The following TM7SF3 variants were observed in gnomAD, a reference collection of about 807,000 sequenced individuals.
TM7SF3 encodes seven span transmembrane protein.
A neutral mutation model predicts 65.5 loss-of-function variants in TM7SF3; 60 were observed. That is an observed-to-expected ratio of 0.92 (90% confidence interval 0.74 to 1.14). The LOEUF is 1.14. Ranked by LOEUF, TM7SF3 falls within the 50% of genes most tolerant of loss-of-function variation. The probability of loss-of-function intolerance (pLI) is 0.00; values close to 1 mark genes in which losing one functional copy is unlikely to be tolerated. For synonymous variants in TM7SF3, 264 were observed against 259.6 expected, an observed-to-expected ratio of 1.02 and a Z score of -0.16; for missense variants, 623 against 684.8, an observed-to-expected ratio of 0.91 and a Z score of 1.01.
intron 6 of TM7SF3, among the ~76,000 whole-genome samples, chr12:26,986,176 G>A (rs373310719): frequency 6.6e-6 from 1 of 151,946 alleles, no homozygotes; most frequent in South Asian, 2.1e-4. Flanking sequence ...GCCCATCTGC[G>A]CACATCTTTG....
At chr12:27,003,892 A>G (rs1200770825) in intron 1 of TM7SF3, among the ~76,000 whole-genome samples, 2 of 152,168 alleles carry the variant, frequency 1.3e-5, no homozygotes, top group Non-Finnish European at 2.9e-5. Context: ...AATCCCCTTA[A>G]GCCTCAATTT....
intron 5 of TM7SF3, among the ~76,000 whole-genome samples, chr12:26,993,078 GT>G (rs896093091): frequency 2.0e-5 from 3 of 151,662 alleles, no homozygotes; most frequent in Non-Finnish European, 4.4e-5. Flanking sequence ...GAACTTTTTG[GT>G]TTTTTTAGTG....
rs775940906 is a variant in TM7SF3, at chr12:26,972,369, A to T, written c.*1596T>A. 8.5e-5 allele frequency: 13 copies of T among 152,212 alleles called. No homozygotes were observed. Among genetic ancestry groups the T allele is most frequent in the Non-Finnish European group, 1.6e-4 (11 of 68,042 alleles). The allele number at this position is 152,212 out of a possible 1,614,324, so 9.4% of individuals were successfully genotyped here. A position where few individuals can be genotyped will look rare whatever the true frequency, so the allele number is the denominator to read the frequency against. ...TGCTAACAGCTAATTGAGCAGAAAG[A>T]ACTATGAAGTACAAATTTTTCTAAG... On this transcript the variant is annotated 3_prime_UTR_variant, in exon 12 of 12. Coordinates refer to ENST00000343028, the MANE Select transcript of TM7SF3 (RefSeq NM_016551.3).
Position 26,971,774 on chromosome 12 carries a change from T to C in TM7SF3, c.*2191A>G, listed in dbSNP as rs1402057874. ...TAACTTTGTCCCTACAGTAAATAAT[T>C]TTTTAAAACTTTTCATCAAGTTTCA... On this transcript the variant is annotated 3_prime_UTR_variant, in exon 12 of 12. Transcript: ENST00000343028. The C allele has an allele frequency of 6.6e-6, 1 of 152,196 alleles. No individual in the cohort carries two copies. Among genetic ancestry groups the C allele is most frequent in the East Asian group, 1.9e-4 (1 of 5,192 alleles). 9.4% of individuals were successfully genotyped at this position (152,196 alleles called of 1,614,324 possible).
chr12:26,993,959 G>A (rs950101453), intron 5 of TM7SF3, among the ~76,000 whole-genome samples: 1 of 152,002 alleles, frequency 6.6e-6, no homozygotes, highest in Non-Finnish European at 1.5e-5. Flanking sequence ...CTTGATTCTT[G>A]AACTGCCCCA....
At chr12:26,982,660 C>T (rs1160055263) in intron 7 of TM7SF3, 113 bp downstream of exon 7, 2 of 678,722 alleles carry the variant, frequency 2.9e-6, no homozygotes, top group Non-Finnish European at 4.8e-6. Flanking sequence ...ACCCCAGCTA[C>T]AAATCTATGA....
intron 1 of TM7SF3, among the ~76,000 whole-genome samples, chr12:27,012,494 TTA>T (rs1941282930): frequency 1.3e-5 from 2 of 152,168 alleles, no homozygotes; most frequent in African/African-American, 2.4e-5. Flanking sequence ...TCAGAAAATA[TTA>T]TGTTTCAGAA....
At chr12:27,013,707 T>C (rs1448098525) in intron 1 of TM7SF3, among the ~76,000 whole-genome samples, 2 of 152,118 alleles carry the variant, frequency 1.3e-5, no homozygotes, top group Admixed American at 6.5e-5. Context: ...AGCCGCTAGT[T>C]CCACCCCAAG....
In TM7SF3 at chr12:26,974,118, C is replaced by T; in HGVS notation, c.1560G>A (p.Trp520Ter). 1 of 1,614,182 alleles carries T rather than the reference C, an allele frequency of 6.2e-7. No individual in the cohort carries two copies. Among genetic ancestry groups the T allele is most frequent in the East Asian group, 2.2e-5 (1 of 44,884 alleles). ...PFFPPHPYKL[W>*]KQERERRVTN... The stretch of plus-strand genomic sequence containing the variant: ...TCACTCGGCGCTCTCTCTCTTGCTT[C>T]CATAACTTGTATGGGTGGGGAGGGA... The change falls in exon 12 of 12, where the codon TGG becomes TGA. Residue 520 changes from tryptophan to a stop codon, truncating the protein, a stop_gained. Coordinates refer to ENST00000343028, the MANE Select transcript of TM7SF3 (RefSeq NM_016551.3). LOFTEE classifies it high-confidence loss of function.
Position 26,998,246 on chromosome 12 carries a change from T to C in TM7SF3, c.397+1280A>G, listed in dbSNP as rs116181066. On this transcript the variant is annotated intron_variant, in intron 3 of 11. Coordinates refer to ENST00000343028, the MANE Select transcript of TM7SF3 (RefSeq NM_016551.3). Reference sequence around the variant, plus strand: ...TCCACCAGAAACAGTGCCTGACACATAGTAGGCACTAGTAAAGTATTTGCT... The same window carrying C: ...TCCACCAGAAACAGTGCCTGACACACAGTAGGCACTAGTAAAGTATTTGCT... Among the ~76,000 whole-genome samples, 485 of 152,306 alleles carry C rather than the reference T, an allele frequency of 3.2e-3. 1 individual carries two copies. The highest frequency in any genetic ancestry group is 0.011 in the African/African-American group (455 of 41,566).
intron 6 of TM7SF3, among the ~76,000 whole-genome samples, chr12:26,987,629 G>A (rs1353635564): frequency 6.6e-6 from 1 of 152,162 alleles, no homozygotes; most frequent in East Asian, 1.9e-4. Context: ...AGAGCAGGAT[G>A]GCAACAAATA....
At chr12:27,006,979 TGAGA>T (rs1173591056) in intron 1 of TM7SF3, among the ~76,000 whole-genome samples, 1 of 152,184 alleles carries the variant, frequency 6.6e-6, no homozygotes, top group South Asian at 2.1e-4. Context: ...TAAATCTATT[TGAGA>T]GAGTTTTTGC....
At chr12:26,975,018 G>GA (rs1565863726) in intron 11 of TM7SF3, among the ~76,000 whole-genome samples, 1 of 152,096 alleles carries the variant, frequency 6.6e-6, no homozygotes, top group African/African-American at 2.4e-5. Flanking sequence ...AAAATTTATA[G>GA]AAAATCTGTA....
chr12:26,984,797 A>C (rs766888700), intron 6 of TM7SF3, among the ~76,000 whole-genome samples: 1 of 152,214 alleles, frequency 6.6e-6, no homozygotes, highest in South Asian at 2.1e-4. Context: ...TCTACGATAA[A>C]ACAAGACATA....
chr12:26,982,392 G>A (rs1939854779), intron 7 of TM7SF3, among the ~76,000 whole-genome samples: 2 of 152,070 alleles, frequency 1.3e-5, no homozygotes, highest in African/African-American at 4.8e-5. Context: ...GCCTAGACTT[G>A]TTTCAAACTC....
intron 6 of TM7SF3, 102 bp downstream of exon 6, chr12:26,990,348 G>T: frequency 1.2e-6 from 1 of 819,720 alleles, no homozygotes; most frequent in Non-Finnish European, 2.0e-6. Flanking sequence ...GTGGAATAAC[G>T]TAGGGGCTCA....
rs766925382 is a variant in TM7SF3, at chr12:26,975,574, T to C, written c.1372A>G (p.Ile458Val). The change falls in exon 11 of 12, where the codon ATC (isoleucine) becomes GTC (valine). Residue 458 changes from isoleucine (I) to valine (V), a missense_variant. Physicochemically the swap from Ile to Val is conservative, Grantham distance 29 (BLOSUM62 3). Transcript: ENST00000343028. Reference sequence around the variant, plus strand: ...GCTCTCTTGAGTACGTTCAAAGTGATGTAGGAAAGGCTTGTGGACCAGTAA... The same window carrying C: ...GCTCTCTTGAGTACGTTCAAAGTGACGTAGGAAAGGCTTGTGGACCAGTAA... ...DSYWSTSLSY[I>V]TLNVLKRALN... is the part of the protein sequence containing the mutation. 3.1e-6 allele frequency: 5 copies of C among 1,614,192 alleles called. No homozygotes were observed. Among genetic ancestry groups the C allele is most frequent in the African/African-American group, 2.7e-5 (2 of 75,066 alleles).
rs760059693 is a variant in TM7SF3, at chr12:26,999,657, G to A, written c.266C>T (p.Ser89Leu). The A allele has an allele frequency of 2.2e-5, 35 of 1,613,916 alleles. No homozygotes were observed. Among genetic ancestry groups the A allele is most frequent in the East Asian group, 6.7e-5 (3 of 44,890 alleles). Residue 89 changes from serine (S) to leucine (L), a missense_variant, in exon 3 of 12, where the codon TCG (serine) becomes TTG (leucine). Coordinates refer to ENST00000343028, the MANE Select transcript of TM7SF3 (RefSeq NM_016551.3). ...SFSPTLLSNS[S>L]ETGTASGLVF... ...CAGTCCACTGGCAGTGCCTGTTTCCGAGGAATTGGAAAGGAGAGTCTGCAG... is the reference window on the plus strand; with the variant it reads ...CAGTCCACTGGCAGTGCCTGTTTCCAAGGAATTGGAAAGGAGAGTCTGCAG...
At chr12:27,012,938 C>T in intron 1 of TM7SF3, 1 of 331,628 alleles carries the variant, frequency 3.0e-6, no homozygotes, top group Non-Finnish European at 5.8e-6. Flanking sequence ...TCGGAGGTTG[C>T]AGTCAGCCAA....
Sources: allele counts gnomAD v4.1 joint callset (sites outside exome capture counted in the v4.1 genomes callset), GRCh38; gene constraint gnomAD v4.1.1; transcripts MANE v1.5; gene names NCBI Gene and HGNC (gene_info 2026-07-23, HGNC 2026-07-21).